Variants in RNF111 observed in about 807,000 individuals in gnomAD.
RNF111 encodes the protein E3 ubiquitin-protein ligase Arkadia.
A neutral mutation model predicts 95.1 loss-of-function variants in RNF111; 17 were observed. The observed-to-expected ratio is 0.18, with a 90% confidence interval of 0.12 to 0.27. The LOEUF is 0.27. Among genes scored for constraint, RNF111 ranks in the 10% least tolerant of loss-of-function variants. RNF111 has a pLI of 1.00. For missense variants in RNF111, 1,189 were observed against 1,210.4 expected (o/e 0.98, Z 0.26); for synonymous variants, 440 against 414.8 (o/e 1.06, Z -0.74).
intron 2 of RNF111, among the ~76,000 whole-genome samples, chr15:59,047,712 A>G (rs1175579151): frequency 2.0e-5 from 3 of 151,916 alleles, no homozygotes; most frequent in African/African-American, 7.3e-5. Flanking sequence ...AGTATCTGGG[A>G]CTACAGGCAT....
At chr15:59,093,337 C>CTTTT (rs1236130195) in intron 13 of RNF111, 165 of 272,682 alleles carry the variant, frequency 6.1e-4, no homozygotes, top group East Asian at 1.9e-3. Flanking sequence ...TTTACAGCAT[C>CTTTT]TTTTTTTTTT....
chr15:59,056,024 CT>C (rs1204083634), intron 4 of RNF111, among the ~76,000 whole-genome samples, 179 bp downstream of exon 4: 4 of 151,936 alleles, frequency 2.6e-5, no homozygotes, highest in Admixed American at 6.6e-5. Flanking sequence ...ACATAAAATT[CT>C]TTGTGGTTAT....
intron 1 of RNF111, among the ~76,000 whole-genome samples, chr15:59,000,142 T>C (rs942822197): frequency 6.7e-6 from 1 of 150,040 alleles, no homozygotes. Flanking sequence ...TTTTCAGATC[T>C]TCCAGTGATT....
chr15:59,034,160 T>C (rs183287415), intron 2 of RNF111, among the ~76,000 whole-genome samples: 190 of 152,346 alleles, frequency 1.2e-3, no homozygotes, highest in African/African-American at 4.4e-3. Context: ...TGTATAGTTA[T>C]CTCATTCTTC....
At chr15:59,064,287 G>C (rs2042560596) in intron 5 of RNF111, among the ~76,000 whole-genome samples, 2 of 152,092 alleles carry the variant, frequency 1.3e-5, no homozygotes, top group South Asian at 4.1e-4. Flanking sequence ...TGTAATCCCA[G>C]CACTTTGGGA....
At chr15:59,019,172 C>T (rs1596097468) in intron 1 of RNF111, among the ~76,000 whole-genome samples, 1 of 149,874 alleles carries the variant, frequency 6.7e-6, no homozygotes, top group East Asian at 2.0e-4. Flanking sequence ...CCCCTGGGCT[C>T]AAGTGATCCA....
chr15:59,013,375 T>G (rs543130335), intron 1 of RNF111, among the ~76,000 whole-genome samples: 1 of 152,354 alleles, frequency 6.6e-6, no homozygotes, highest in South Asian at 2.1e-4. Context: ...TTGTAGACTC[T>G]GGTTTCACAG....
At chr15:59,016,033 TAG>T (rs1406529259) in intron 1 of RNF111, among the ~76,000 whole-genome samples, 2 of 151,792 alleles carry the variant, frequency 1.3e-5, no homozygotes, top group Admixed American at 1.3e-4. Flanking sequence ...GTATTTTTAG[TAG>T]AGACAGGGTT....
chr15:59,063,516 C>T (rs2042527799), intron 5 of RNF111, among the ~76,000 whole-genome samples: 1 of 151,942 alleles, frequency 6.6e-6, no homozygotes, highest in South Asian at 2.1e-4. Context: ...TTTAGTGGGC[C>T]CTCTATGGGT....
At chr15:59,051,859 G>GT (rs1466328445) in intron 2 of RNF111, among the ~76,000 whole-genome samples, 47 of 151,996 alleles carry the variant, frequency 3.1e-4, no homozygotes, top group Non-Finnish European at 4.4e-4. Flanking sequence ...AAGCTACAGT[G>GT]TTTTTTTAAA....
chr15:59,094,192 A>G (rs1323729344), intron 13 of RNF111, among the ~76,000 whole-genome samples: 2 of 152,168 alleles, frequency 1.3e-5, no homozygotes, highest in East Asian at 1.9e-4. Flanking sequence ...GTATATAACA[A>G]TTATTCCGTG....
chr15:58,990,452 C>G (rs1339319250), intron 1 of RNF111, among the ~76,000 whole-genome samples: 1 of 152,044 alleles, frequency 6.6e-6, no homozygotes, highest in Non-Finnish European at 1.5e-5. Context: ...TTGAGGTGAC[C>G]AGTCTGGCCA....
intron 2 of RNF111, among the ~76,000 whole-genome samples, chr15:59,039,836 C>T (rs1000713783): frequency 6.6e-6 from 1 of 152,022 alleles, no homozygotes; most frequent in African/African-American, 2.4e-5. Flanking sequence ...CCTGCCTCAG[C>T]CTCCTGAGTA....
At chr15:59,068,168 T>G (rs1195066856) in intron 6 of RNF111, among the ~76,000 whole-genome samples, 1 of 151,718 alleles carries the variant, frequency 6.6e-6, no homozygotes, top group Non-Finnish European at 1.5e-5. Flanking sequence ...TGCAGTGAGC[T>G]GAGATCACGC....
chr15:58,998,723 C>G (rs1382908060), intron 1 of RNF111, among the ~76,000 whole-genome samples: 1 of 152,172 alleles, frequency 6.6e-6, no homozygotes, highest in Non-Finnish European at 1.5e-5. Context: ...TTCAAACTTT[C>G]AAGCAAAAAT....
At chr15:59,077,899 C>G (rs1256109547) in intron 7 of RNF111, among the ~76,000 whole-genome samples, 1 of 152,138 alleles carries the variant, frequency 6.6e-6, no homozygotes, top group Non-Finnish European at 1.5e-5. Context: ...GCTTCTTTTC[C>G]TGAAGGAGTG....
At chr15:58,994,635 G>A (rs1253002888) in intron 1 of RNF111, among the ~76,000 whole-genome samples, 1 of 151,092 alleles carries the variant, frequency 6.6e-6, no homozygotes, top group Admixed American at 6.6e-5. Flanking sequence ...CCGCCACCAC[G>A]TCCAGCTAAT....
chr15:59,040,641 A>G (rs2141857277), intron 2 of RNF111, among the ~76,000 whole-genome samples: 1 of 152,378 alleles, frequency 6.6e-6, no homozygotes, highest in South Asian at 2.1e-4. Context: ...TATATATGCC[A>G]TAAATACGTA....
intron 2 of RNF111, among the ~76,000 whole-genome samples, chr15:59,040,498 A>G (rs967626190): frequency 7.2e-5 from 11 of 152,170 alleles, no homozygotes; most frequent in Admixed American, 2.6e-4. Flanking sequence ...TAAATCTTTA[A>G]TTTAAGTGAA....
Sources: allele counts gnomAD v4.1 joint callset (sites outside exome capture counted in the v4.1 genomes callset), GRCh38; gene constraint gnomAD v4.1.1; transcripts MANE v1.5; gene names NCBI Gene and HGNC (gene_info 2026-07-23, HGNC 2026-07-21).